The following CNGA1 variants were observed in gnomAD, a reference collection of about 807,000 sequenced individuals.
CNGA1 encodes cyclic nucleotide-gated channel alpha-1.
In CNGA1, 53 loss-of-function variants were observed where a neutral mutation model predicts 69.7. That is an observed-to-expected ratio of 0.76 (90% CI 0.61 to 0.96). The LOEUF (loss-of-function observed/expected upper bound fraction) is 0.96, where lower values mean the gene tolerates loss of function less well. Ranked by LOEUF, CNGA1 falls within the 40% of genes least tolerant of loss-of-function variation. The pLI, the probability that CNGA1 is intolerant of heterozygous loss-of-function variation, is 0.00. For synonymous variants in CNGA1, 249 were observed against 283.5 expected, an observed-to-expected ratio of 0.88 and a Z score of 1.22; for missense variants, 739 against 811.2, an observed-to-expected ratio of 0.91 and a Z score of 1.08.
chr4:48,009,461 T>A, intron 2 of CNGA1, among the ~76,000 whole-genome samples: 1 of 94,214 alleles, frequency 1.1e-5, no homozygotes. Flanking sequence ...CCAGAGTCTG[T>A]CTCAAAAAAA....
At chr4:48,005,348 A>C (rs1278383225) in intron 2 of CNGA1, among the ~76,000 whole-genome samples, 1 of 151,992 alleles carries the variant, frequency 6.6e-6, no homozygotes, top group East Asian at 1.9e-4. Context: ...GAACTCCTGA[A>C]CTCATGATCC....
chr4:47,952,754 A>G, intron 3 of CNGA1, 51 bp from the exon 4 acceptor site: 2 of 1,377,882 alleles, frequency 1.5e-6, no homozygotes, highest in Non-Finnish European at 2.0e-6. Context: ...ATATATTTAC[A>G]TATATAATCA....
chr4:47,997,365 G>C (rs1021397235), intron 2 of CNGA1, among the ~76,000 whole-genome samples: 1 of 152,048 alleles, frequency 6.6e-6, no homozygotes, highest in African/African-American at 2.4e-5. Flanking sequence ...TCAAACTAAT[G>C]AGCTGTTAAA....
chr4:47,972,857 C>T (rs1463160737), intron 3 of CNGA1, among the ~76,000 whole-genome samples: 1 of 152,146 alleles, frequency 6.6e-6, no homozygotes, highest in Non-Finnish European at 1.5e-5. Flanking sequence ...AGCATAAAAT[C>T]CTGCCATCTA....
chr4:47,940,544 A>G (rs1169031661), intron 10 of CNGA1, among the ~76,000 whole-genome samples: 1 of 152,154 alleles, frequency 6.6e-6, no homozygotes, highest in Non-Finnish European at 1.5e-5. Context: ...AGCCACATCT[A>G]CTTGTCAAAA....
chr4:47,937,067 T>A lies in CNGA1; in HGVS notation c.1415A>T (p.Lys472Met). Residue 472 changes from lysine to methionine, a missense_variant, in exon 11 of 11, where the codon AAG becomes ATG. By Grantham distance (95) the Lys-to-Met change is moderately conservative. Coordinates refer to ENST00000514170, the MANE Select transcript of CNGA1 (RefSeq NM_001379270.1). ...AINVHLDTLK[K>M]VRIFADCEAG... ...TTCACAATCAGCAAAAATGCGTACC[T>A]TTTTTAATGTGTCTAAGTGAACGTT... 1 of 1,614,218 alleles carries A rather than the reference T, an allele frequency of 6.2e-7. No individual in the cohort carries two copies. The highest frequency in any genetic ancestry group is 1.1e-5 in the South Asian group (1 of 91,074).
intron 3 of CNGA1, among the ~76,000 whole-genome samples, chr4:47,974,114 A>AGATAGAT (rs1353940093): frequency 6.9e-6 from 1 of 145,758 alleles, no homozygotes; most frequent in Non-Finnish European, 1.5e-5. Flanking sequence ...ATAGATAGAT[A>AGATAGAT]GATAGATAGA....
intron 3 of CNGA1, among the ~76,000 whole-genome samples, chr4:47,971,944 T>C (rs1741073239): frequency 6.6e-6 from 1 of 152,116 alleles, no homozygotes; most frequent in African/African-American, 2.4e-5. Context: ...AAAACCACTG[T>C]AATCTCCCAG....
In CNGA1 at chr4:47,948,464, G is replaced by A. The variant is rs1739555495; in HGVS notation, c.287+1369C>T. Among the ~76,000 whole-genome samples the A allele has an allele frequency of 2.6e-5, 4 of 152,204 alleles. No homozygotes were observed. The South Asian group carries it at 8.3e-4, about 32-fold the overall frequency. On this transcript the variant is annotated intron_variant, in intron 6 of 10. Transcript: ENST00000514170. The stretch of plus-strand genomic sequence containing the variant: ...GTCTAAGTAGGGGTGACAAATGTAG[G>A]AAAGGTATGTTTCCCATTCTTGCAA...
chr4:47,967,080 A>T (rs1370321506), intron 3 of CNGA1, among the ~76,000 whole-genome samples: 1 of 152,148 alleles, frequency 6.6e-6, no homozygotes, highest in Non-Finnish European at 1.5e-5. Flanking sequence ...AGGCGGGTGG[A>T]TCACTTGAGG....
chr4:47,955,117 G>T (rs553340450), intron 3 of CNGA1, among the ~76,000 whole-genome samples: 1 of 150,958 alleles, frequency 6.6e-6, no homozygotes, highest in Admixed American at 6.6e-5. Flanking sequence ...ACTCAATTAG[G>T]ATATGAATTC....
chr4:47,984,467 A>C (rs1158843787), intron 2 of CNGA1, among the ~76,000 whole-genome samples: 1 of 151,714 alleles, frequency 6.6e-6, no homozygotes, highest in East Asian at 1.9e-4. Context: ...AAAATACAAA[A>C]ATTAGGCAGG....
chr4:47,955,173 C>CTTTTTTTTTTTTTTTTTTT (rs377338639), intron 3 of CNGA1, among the ~76,000 whole-genome samples: 4 of 98,208 alleles, frequency 4.1e-5, no homozygotes, highest in Non-Finnish European at 7.8e-5. Context: ...TTTTTCTTTT[C>CTTTTTTTTTTTTTTTTTTT]TTTTTTTTTT....
At chr4:47,970,595 T>C (rs1374626168) in intron 3 of CNGA1, among the ~76,000 whole-genome samples, 2 of 150,682 alleles carry the variant, frequency 1.3e-5, no homozygotes, top group African/African-American at 4.9e-5. Context: ...GAGGTTGTGG[T>C]GGGCAGAGAT....
chr4:48,007,952 G>A (rs1248367866), intron 2 of CNGA1, among the ~76,000 whole-genome samples: 1 of 152,130 alleles, frequency 6.6e-6, no homozygotes, highest in South Asian at 2.1e-4. Context: ...TAAAAGGGGA[G>A]AGAAAACCAA....
intron 1 of CNGA1, among the ~76,000 whole-genome samples, chr4:48,011,312 T>C (rs1251234910): frequency 8.4e-6 from 1 of 118,906 alleles, no homozygotes; most frequent in African/African-American, 3.0e-5. Flanking sequence ...AAAAAATTAC[T>C]AAAAAAAAAA....
intron 2 of CNGA1, among the ~76,000 whole-genome samples, chr4:47,997,538 G>A (rs1437586258): frequency 6.6e-6 from 1 of 152,002 alleles, no homozygotes; most frequent in Admixed American, 6.6e-5. Flanking sequence ...TGGGTCAGGG[G>A]TACTCATATT....
intron 3 of CNGA1, among the ~76,000 whole-genome samples, chr4:47,967,792 C>T (rs1284634730): frequency 6.6e-6 from 1 of 152,130 alleles, no homozygotes; most frequent in African/African-American, 2.4e-5. Flanking sequence ...TCCCAGCTAA[C>T]ACAGTGAAAC....
rs534642123 is a variant in CNGA1, at chr4:48,005,697, G to A, written c.-123+5097C>T. 8.5e-5 allele frequency among the ~76,000 whole-genome samples: 13 copies of A among 152,216 alleles called. No homozygotes were observed. The South Asian group carries it at 2.7e-3, about 32-fold the overall frequency. ...ACCACAGGTCAGGAACCCTGTACAG[G>A]GACTGTATAGACAAAAGTATGAGGC... On this transcript the variant is annotated intron_variant, in intron 2 of 10. Transcript: ENST00000514170.
Sources: allele counts gnomAD v4.1 joint callset (sites outside exome capture counted in the v4.1 genomes callset), GRCh38; gene constraint gnomAD v4.1.1; transcripts MANE v1.5; gene names NCBI Gene and HGNC (gene_info 2026-07-23, HGNC 2026-07-21).